COPA: variants seen among roughly 807,000 people sequenced by gnomAD.
The protein encoded by COPA is coatomer subunit alpha.
Under a neutral mutation model 158.7 loss-of-function variants are expected in COPA, and 10 were observed. The observed-to-expected ratio is 0.06, with a 90% CI of 0.04 to 0.11. The LOEUF (loss-of-function observed/expected upper bound fraction) is 0.11. Among genes scored for constraint, COPA ranks in the 10% least tolerant of loss-of-function variants. The probability of loss-of-function intolerance (pLI) is 1.00; values close to 1 mark genes in which losing one functional copy is unlikely to be tolerated. For synonymous variants in COPA, 462 were observed against 542.8 expected, an observed-to-expected ratio of 0.85 and a Z score of 2.07; for missense variants, 1,065 against 1,536.7, an observed-to-expected ratio of 0.69 and a Z score of 5.13.
chr1:160,297,674 C>T lies in COPA; in HGVS notation c.2049G>A (p.Leu683=), dbSNP rs1571152393. ...CWEKLGEVAL[L]QGNHQIVEMC... ...TTTCCACAATCTGGTGGTTCCCCTG[C>T]AGCAGGGCCACTTCTCCCAGCTTTT... The change falls in exon 20 of 33, where the codon CTG becomes CTA. Residue 683 remains leucine (L), a synonymous_variant. Transcript: ENST00000241704. The T allele has an allele frequency of 1.2e-6, 2 of 1,614,122 alleles. No individual in the cohort carries two copies. Among genetic ancestry groups the T allele is most frequent in the South Asian group, 1.1e-5 (1 of 91,082 alleles).
intron 19 of COPA, 71 bp downstream of exon 19, chr1:160,298,774 T>C: frequency 6.4e-7 from 1 of 1,561,608 alleles, no homozygotes; most frequent in Non-Finnish European, 8.7e-7. Context: ...CCCAGAATAA[T>C]GCCCTCCCAA....
chr1:160,335,182 T>C, intron 4 of COPA, 60 bp downstream of exon 4: 18 of 1,451,566 alleles, frequency 1.2e-5, no homozygotes, highest in South Asian at 9.1e-5. Flanking sequence ...AAGGATCAAA[T>C]AAAGATTACT....
chr1:160,288,772 C>T lies in COPA; in HGVS notation c.*1385G>A, dbSNP rs576451064. Among the ~76,000 whole-genome samples, 2 of 152,158 alleles carry T rather than the reference C, an allele frequency of 1.3e-5. No homozygotes were observed. Among genetic ancestry groups the T allele is most frequent in the East Asian group, 1.9e-4 (1 of 5,192 alleles). On this transcript the variant is annotated 3_prime_UTR_variant, in exon 33 of 33. Coordinates refer to ENST00000241704, the MANE Select transcript of COPA (RefSeq NM_004371.4). ...GTATCATTGTAATATATATAAAGTACTATTCTTTTATCTGTATATTACATG... is the reference window on the plus strand; with the variant it reads ...GTATCATTGTAATATATATAAAGTATTATTCTTTTATCTGTATATTACATG...
In COPA at chr1:160,292,038, C is replaced by T. The variant is rs1261081916; in HGVS notation, c.3121G>A (p.Val1041Met). The T allele has an allele frequency of 6.2e-7, 1 of 1,614,088 alleles. No homozygotes were observed. ...TCTGCAATCTCTTGTTTATTGTCCA[C>T]AACAAGAAGTGGCACACTGAGAAGG... ...SILLSVPLLV[V>M]DNKQEIAEAQ... is the part of the protein sequence containing the mutation. The change falls in exon 29 of 33, where the codon GTG (valine) becomes ATG (methionine). Residue 1041 changes from valine to methionine, a missense_variant. Val to Met is a conservative substitution (Grantham distance 21). Coordinates refer to ENST00000241704, the MANE Select transcript of COPA (RefSeq NM_004371.4).
intron 30 of COPA, 83 bp downstream of exon 30, chr1:160,291,736 G>T: frequency 7.1e-7 from 1 of 1,406,896 alleles, no homozygotes; most frequent in Non-Finnish European, 9.9e-7. Context: ...ACTCAGATCT[G>T]GGTTTGAAAT....
At chr1:160,304,069 C>T (rs1658701951) in intron 17 of COPA, among the ~76,000 whole-genome samples, 1 of 151,884 alleles carries the variant, frequency 6.6e-6, no homozygotes, top group African/African-American at 2.4e-5. Context: ...GGCTGGAGTG[C>T]AATGGTACGA....
intron 17 of COPA, 85 bp from the exon 18 acceptor site, chr1:160,299,349 T>C (rs961656345): frequency 7.5e-7 from 1 of 1,340,656 alleles, no homozygotes; most frequent in Non-Finnish European, 1.0e-6. Flanking sequence ...AAACGGTCTT[T>C]TGTCAAGTGC....
chr1:160,332,304 TCAA>T, intron 6 of COPA, 141 bp downstream of exon 6: 1 of 475,376 alleles, frequency 2.1e-6, no homozygotes, highest in Middle Eastern at 3.0e-4. Context: ...CAAAGCAAAT[TCAA>T]CAACCTCAGA....
intron 8 of COPA, among the ~76,000 whole-genome samples, chr1:160,317,215 C>A (rs1224667775): frequency 6.6e-6 from 1 of 152,230 alleles, no homozygotes; most frequent in Non-Finnish European, 1.5e-5. Context: ...CCAGATCCAT[C>A]TTACAGTAAG....
At chr1:160,315,134 G>T (rs1052263843) in intron 8 of COPA, among the ~76,000 whole-genome samples, 1 of 152,114 alleles carries the variant, frequency 6.6e-6, no homozygotes, top group Non-Finnish European at 1.5e-5. Flanking sequence ...TGAGCAGATG[G>T]TAAGAGCATC....
chr1:160,325,612 C>T lies in COPA; in HGVS notation c.537G>A (p.Ser179=), dbSNP rs758990058. Residue 179 remains serine, a synonymous_variant, in exon 7 of 33, where the codon TCG becomes TCA. Coordinates refer to ENST00000241704, the MANE Select transcript of COPA (RefSeq NM_004371.4). ...KKNLSPGAVE[S]DVRGITGVDL... is the part of the protein sequence containing the mutation. ...CAACCCCAGTTATTCCTCTCACATCCGATTCCACCGCACCAGGGGACAGGT... is the reference window on the plus strand; with the variant it reads ...CAACCCCAGTTATTCCTCTCACATCTGATTCCACCGCACCAGGGGACAGGT... 1.2e-5 allele frequency: 20 copies of T among 1,614,176 alleles called. No individual in the cohort carries two copies. The highest frequency in any genetic ancestry group is 4.4e-5 in the South Asian group (4 of 91,086).
intron 4 of COPA, 40 bp from the exon 5 acceptor site, chr1:160,333,719 A>AT: frequency 6.7e-7 from 1 of 1,491,384 alleles, no homozygotes; most frequent in African/African-American, 1.4e-5. Context: ...ACATTAAACA[A>AT]ATCTGTTCTA....
rs1445722709 is a variant in COPA, at chr1:160,296,669, T to C, written c.2264-520A>G. Among the ~76,000 whole-genome samples the C allele has an allele frequency of 2.6e-5, 4 of 152,350 alleles. No homozygotes were observed. In the East Asian group the frequency reaches 7.7e-4, roughly 29 times the overall value. On this transcript the variant is annotated intron_variant, in intron 21 of 32. Coordinates refer to ENST00000241704, the MANE Select transcript of COPA (RefSeq NM_004371.4). ...GCCACAAATTGTGAAATAATAAATG[T>C]TTGTGGTTTTAAACTACTAAATTTG...
Position 160,288,951 on chromosome 1 carries a change from T to A in COPA, c.*1206A>T, listed in dbSNP as rs1658122510. ...AGTTTAGGTCCTCATATATACCCTA[T>A]GAAAAACATGTGCTTCTTTTTTTCT... is the stretch of plus-strand genomic sequence containing the variant. On this transcript the variant is annotated 3_prime_UTR_variant, in exon 33 of 33. Transcript: ENST00000241704. Among the ~76,000 whole-genome samples, 1 of 152,102 alleles carries A rather than the reference T, an allele frequency of 6.6e-6. No homozygotes were observed. Among genetic ancestry groups the A allele is most frequent in the African/African-American group, 2.4e-5 (1 of 41,386 alleles).
Position 160,323,398 on chromosome 1 carries a change from T to C in COPA, c.706+33A>G, listed in dbSNP as rs772114059. The C allele has an allele frequency of 3.9e-6, 6 of 1,551,124 alleles. No individual in the cohort carries two copies. In the African/African-American group the frequency reaches 5.5e-5, roughly 14 times the overall value. On this transcript the variant is annotated intron_variant, in intron 8 of 32. Transcript: ENST00000241704. ...TTTACCTTGCTGGCTGGCAGTTTCT[T>C]AGATATGGCGATAATGTAACCGGTT...
chr1:160,310,555 A>T (rs540800098), intron 11 of COPA: 1 of 196,186 alleles, frequency 5.1e-6, no homozygotes, highest in African/African-American at 2.3e-5. Flanking sequence ...TTCTGCTTGG[A>T]TACAAATTCC....
At chr1:160,316,791 T>C (rs907157760) in intron 8 of COPA, among the ~76,000 whole-genome samples, 1 of 149,956 alleles carries the variant, frequency 6.7e-6, no homozygotes, top group Non-Finnish European at 1.5e-5. Context: ...AAGAGGGAGC[T>C]AAGCAAGAGC....
At chr1:160,335,219 CT>C (rs1647701494) in intron 4 of COPA, 22 bp downstream of exon 4, 1 of 1,586,242 alleles carries the variant, frequency 6.3e-7, no homozygotes, top group Non-Finnish European at 8.6e-7. Flanking sequence ...TGCTCCAAAA[CT>C]AGCGCCACCA....
At chr1:160,331,951 A>C (rs1647544275) in intron 6 of COPA, among the ~76,000 whole-genome samples, 1 of 149,684 alleles carries the variant, frequency 6.7e-6, no homozygotes, top group Non-Finnish European at 1.5e-5. Flanking sequence ...CCCTCTCAGA[A>C]AAAAAAAAAA....
Sources: gnomAD v4.1 joint callset for allele counts (sites outside exome capture counted in the v4.1 genomes callset) on GRCh38, gnomAD v4.1.1 for gene constraint, MANE v1.5 for transcripts, NCBI Gene and HGNC (gene_info 2026-07-23, HGNC 2026-07-21) for gene names.